The following TWIST2 variants were observed in gnomAD, a reference collection of about 807,000 sequenced individuals.
The protein encoded by TWIST2 is twist-related protein 2.
In TWIST2, 1 loss-of-function variant was observed where a neutral mutation model predicts 11.6. The ratio of observed to expected loss-of-function variants is 0.09; its 90% CI spans 0.03 to 0.41. The LOEUF (loss-of-function observed/expected upper bound fraction) is 0.41, where lower values mean the gene tolerates loss of function less well. Ranked by LOEUF, TWIST2 falls within the 10% of genes least tolerant of loss-of-function variation. The probability of loss-of-function intolerance (pLI) is 0.98; values close to 1 mark genes in which losing one functional copy is unlikely to be tolerated. For missense variants in TWIST2, 168 were observed against 226.4 expected, an observed-to-expected ratio of 0.74 and a Z score of 1.66; for synonymous variants, 87 against 96.6, an observed-to-expected ratio of 0.90 and a Z score of 0.58.
intron 1 of TWIST2, among the ~76,000 whole-genome samples, chr2:238,905,844 TGTGTGTGTGTGC>T (rs1244701184): frequency 3.5e-4 from 38 of 109,276 alleles, no homozygotes; most frequent in African/African-American, 1.3e-3. Flanking sequence ...GAAAAAAGTG[TGTGTGTGTGTGC>T]GTGTGTGTGC....
chr2:238,853,826 T>C (rs1692286192), intron 1 of TWIST2, among the ~76,000 whole-genome samples: 2 of 152,240 alleles, frequency 1.3e-5, no homozygotes, highest in African/African-American at 2.4e-5. Context: ...ACCCAAACGG[T>C]ATCTGACGTG....
intron 1 of TWIST2, among the ~76,000 whole-genome samples, chr2:238,862,740 A>G (rs578261339): frequency 1.2e-4 from 18 of 152,382 alleles, no homozygotes; most frequent in African/African-American, 4.1e-4. Flanking sequence ...CCGAGCAACA[A>G]AGAAATTCAT....
chr2:238,905,782 C>CT (rs1693331910), intron 1 of TWIST2, among the ~76,000 whole-genome samples: 1 of 152,192 alleles, frequency 6.6e-6, no homozygotes, highest in Non-Finnish European at 1.5e-5. Context: ...CTTTGACTTT[C>CT]TGCCCAGGAC....
chr2:238,899,328 T>C (rs2106372436), intron 1 of TWIST2, among the ~76,000 whole-genome samples: 1 of 152,400 alleles, frequency 6.6e-6, no homozygotes, highest in South Asian at 2.1e-4. Flanking sequence ...CCTTGCTCTC[T>C]TGGGCTCCTG....
intron 1 of TWIST2, among the ~76,000 whole-genome samples, chr2:238,858,448 T>A (rs956994015): frequency 9.2e-5 from 14 of 152,358 alleles, no homozygotes; most frequent in Middle Eastern, 3.4e-3. Flanking sequence ...AACCAAAGGC[T>A]GTTGACTTTG....
At chr2:238,869,720 G>A (rs1035267090) in intron 1 of TWIST2, among the ~76,000 whole-genome samples, 2 of 152,178 alleles carry the variant, frequency 1.3e-5, no homozygotes, top group Admixed American at 6.5e-5. Flanking sequence ...GAGGCGGGAG[G>A]ATTGCTTGAG....
chr2:238,887,741 G>A (rs1296022016), intron 1 of TWIST2, among the ~76,000 whole-genome samples: 5 of 152,200 alleles, frequency 3.3e-5, no homozygotes, highest in Non-Finnish European at 5.9e-5. Flanking sequence ...AGTGCCTGAA[G>A]AGGCCACAGG....
chr2:238,860,116 T>G (rs999946156), intron 1 of TWIST2, among the ~76,000 whole-genome samples: 2 of 152,176 alleles, frequency 1.3e-5, no homozygotes, highest in African/African-American at 4.8e-5. Flanking sequence ...AGGGCTCGTC[T>G]GCCCGCTCGG....
At chr2:238,899,832 G>T (rs1693248489) in intron 1 of TWIST2, among the ~76,000 whole-genome samples, 1 of 152,198 alleles carries the variant, frequency 6.6e-6, no homozygotes. Context: ...CAGGACAGGT[G>T]TCCAAACCGT....
At chr2:238,898,674 T>C (rs1174507259) in intron 1 of TWIST2, among the ~76,000 whole-genome samples, 2 of 152,238 alleles carry the variant, frequency 1.3e-5, no homozygotes, top group African/African-American at 4.8e-5. Context: ...GTGAGTGCTC[T>C]GACCACTGTG....
chr2:238,855,859 C>A (rs1692320370), intron 1 of TWIST2, among the ~76,000 whole-genome samples: 1 of 152,194 alleles, frequency 6.6e-6, no homozygotes, highest in Admixed American at 6.5e-5. Context: ...GATGTGTGCT[C>A]AGCACCCCCG....
At chr2:238,907,705 A>T (rs1693376198) in intron 1 of TWIST2, among the ~76,000 whole-genome samples, 1 of 151,692 alleles carries the variant, frequency 6.6e-6, no homozygotes, top group Admixed American at 6.6e-5. Flanking sequence ...ACACACACAA[A>T]TGCACACAAT....
rs1052995648 is a variant in TWIST2 at position 238,898,946 on chromosome 2, A to G, written c.*36-10896A>G. Among the ~76,000 whole-genome samples, 16 of 152,300 alleles carry G rather than the reference A, an allele frequency of 1.1e-4. No individual in the cohort carries two copies. The East Asian group carries it at 3.1e-3, about 29-fold the overall frequency. On this transcript the variant is annotated intron_variant, in intron 1 of 1. Transcript: ENST00000612363. ...GTGGGCCCCTTGGCACCGTGTGGTG[A>G]TTGGACAATGTGACCGATGACTGCT...
rs996451192 is a variant in TWIST2 at position 238,866,846 on chromosome 2, G to A, written c.*35+18113G>A. ...TATCCCCTAGCGGCCTGGCAGCTGC[G>A]ACGGTTTGTCTGCCTGTCACCCCGG... On this transcript the variant is annotated intron_variant, in intron 1 of 1. Coordinates refer to ENST00000612363, the MANE Select transcript of TWIST2 (RefSeq NM_001271893.4). The surrounding 1 kb of genome is among the most constrained non-coding windows in gnomAD (Gnocchi z 4.9). 1.4e-4 allele frequency among the ~76,000 whole-genome samples: 22 copies of A among 152,066 alleles called. No individual in the cohort carries two copies. Among genetic ancestry groups the A allele is most frequent in the Admixed American group, 5.9e-4 (9 of 15,272 alleles).
intron 1 of TWIST2, among the ~76,000 whole-genome samples, chr2:238,870,939 C>A (rs1222351693): frequency 3.3e-5 from 1 of 30,544 alleles, no homozygotes; most frequent in Non-Finnish European, 6.6e-5. Flanking sequence ...CCCACACATA[C>A]CCCCCAAACC....
At chr2:238,886,511 T>C (rs1323673330) in intron 1 of TWIST2, among the ~76,000 whole-genome samples, 1 of 151,996 alleles carries the variant, frequency 6.6e-6, no homozygotes, top group Non-Finnish European at 1.5e-5. Flanking sequence ...GTGTACGTGG[T>C]ATTCCCTCCC....
chr2:238,875,721 C>A (rs542073682), intron 1 of TWIST2, among the ~76,000 whole-genome samples: 1 of 152,312 alleles, frequency 6.6e-6, no homozygotes, highest in African/African-American at 2.4e-5. Flanking sequence ...TGATGTCAGT[C>A]ACTCAGCCGA....
At chr2:238,852,032 T>G (rs1449809295) in intron 1 of TWIST2, among the ~76,000 whole-genome samples, 7 of 152,200 alleles carry the variant, frequency 4.6e-5, no homozygotes, top group Non-Finnish European at 5.9e-5. Flanking sequence ...AACTCATATT[T>G]TCATACAGAT....
intron 1 of TWIST2, among the ~76,000 whole-genome samples, chr2:238,883,182 G>A (rs910111792): frequency 7.9e-5 from 12 of 152,134 alleles, no homozygotes; most frequent in African/African-American, 1.2e-4. Flanking sequence ...GAGGACAGCC[G>A]CGGTGTTTAT....
Sources: gnomAD v4.1 joint callset for allele counts (sites outside exome capture counted in the v4.1 genomes callset) on GRCh38, gnomAD v4.1.1 for gene constraint, Gnocchi (gnomAD v3.1) non-coding constraint, MANE v1.5 for transcripts, NCBI Gene and HGNC (gene_info 2026-07-23, HGNC 2026-07-21) for gene names.